RNF126: variants seen among roughly 807,000 people sequenced by gnomAD.
RNF126 encodes ring finger protein 126, also known as E3 ubiquitin-protein ligase RNF126.
RNF126 carries 20 observed loss-of-function variants against 41.9 expected under a neutral mutation model. The ratio of observed to expected loss-of-function variants is 0.48; its 90% CI spans 0.34 to 0.69. The LOEUF (loss-of-function observed/expected upper bound fraction) is 0.69, where lower values mean the gene tolerates loss of function less well. Among genes scored for constraint, RNF126 ranks in the 30% least tolerant of loss-of-function variants. RNF126 has a pLI of 0.01. For missense variants in RNF126, 433 were observed against 460.6 expected (o/e 0.94, Z 0.55); for synonymous variants, 239 against 202.9 (o/e 1.18, Z -1.51).
chr19:662,689 T>C (rs555188019), intron 1 of RNF126, among the ~76,000 whole-genome samples: 2 of 151,862 alleles, frequency 1.3e-5, no homozygotes, highest in African/African-American at 4.8e-5. Context: ...CCTCAGTTTC[T>C]CCGTTTGCAA....
chr19:651,127 G>T (rs960282772), intron 4 of RNF126, among the ~76,000 whole-genome samples: 4 of 147,218 alleles, frequency 2.7e-5, no homozygotes, highest in Admixed American at 6.8e-5. Context: ...GCTCCCCCAG[G>T]CTCTGTTCCA....
chr19:652,003 G>A, intron 3 of RNF126, 148 bp from the exon 4 acceptor site: 1 of 754,968 alleles, frequency 1.3e-6, no homozygotes, highest in Non-Finnish European at 2.1e-6. Context: ...CAGGAATTGG[G>A]CAGAGCCTGC....
At chr19:653,805 G>A (rs72974191) in intron 1 of RNF126, among the ~76,000 whole-genome samples, 5,614 of 152,314 alleles carry the variant, frequency 0.037, 135 homozygotes, top group Non-Finnish European at 0.054. Context: ...GTGCTCCATC[G>A]CAGCAACGTG....
In RNF126 at chr19:651,895, C is replaced by T. The variant is rs777964283; in HGVS notation, c.199-40G>A. ...GGGGCGTGACCTCGGGGGCTCAGGC[C>T]CGTGCAGTCTGCTGGGGGCGCTAGG... On this transcript the variant is annotated intron_variant, in intron 3 of 8. Coordinates refer to ENST00000292363, the MANE Select transcript of RNF126 (RefSeq NM_194460.3). 9 of 1,572,360 alleles carry T rather than the reference C, an allele frequency of 5.7e-6. No homozygotes were observed. The East Asian group carries it at 1.8e-4, about 32-fold the overall frequency.
rs542164498 is a variant in RNF126 at position 659,689 on chromosome 19, T to G, written c.75+3358A>C. Among the ~76,000 whole-genome samples, 271 of 152,034 alleles carry G rather than the reference T, an allele frequency of 1.8e-3. No individual in the cohort carries two copies. Among genetic ancestry groups the G allele is most frequent in the Non-Finnish European group, 3.4e-3 (228 of 67,974 alleles). ...TGGCCTGAGCTCCAGCTGGCCTGTC[T>G]GGTTCCTGCCGCCACACGCCCCACT... On this transcript the variant is annotated intron_variant, in intron 1 of 8. Transcript: ENST00000292363. The surrounding 1 kb of genome is among the most constrained non-coding windows in gnomAD (Gnocchi z 4.9).
chr19:661,780 G>C (rs926969397), intron 1 of RNF126, among the ~76,000 whole-genome samples: 1 of 152,146 alleles, frequency 6.6e-6, no homozygotes, highest in Non-Finnish European at 1.5e-5. Context: ...GGGCGGCTAC[G>C]TACACAGCAC....
rs765863876 is a variant in RNF126, at chr19:648,083, G to A, written c.*45C>T. The A allele has an allele frequency of 9.9e-6, 15 of 1,514,752 alleles. No individual in the cohort carries two copies. Among genetic ancestry groups the A allele is most frequent in the African/African-American group, 2.8e-5 (2 of 72,474 alleles). 93.8% of individuals were successfully genotyped at this position (1,514,752 alleles called of 1,614,324 possible). A position where few individuals can be genotyped will look rare whatever the true frequency, so the allele number is the denominator to read the frequency against. The stretch of plus-strand genomic sequence containing the variant: ...TGGGTGCCGTGTGGCGCTGGCTGAG[G>A]GTGGGTGGGAAAGGCCCCGTGCTTT... On this transcript the variant is annotated 3_prime_UTR_variant, in exon 9 of 9. Transcript: ENST00000292363.
chr19:647,901 AGAG>A lies in RNF126; in HGVS notation c.*224_*226del, dbSNP rs1302569385. The stretch of plus-strand genomic sequence containing the variant: ...GAACGTTTAGAGGGTGAGGTTAGAC[AGAG>A]GACGGGGAGGCTGGGGACGCCCCAG... On this transcript the variant is annotated 3_prime_UTR_variant, in exon 9 of 9. Coordinates refer to ENST00000292363, the MANE Select transcript of RNF126 (RefSeq NM_194460.3). The A allele has an allele frequency of 1.6e-6, 1 of 642,684 alleles. No individual in the cohort carries two copies. Among genetic ancestry groups the A allele is most frequent in the Admixed American group, 2.6e-5 (1 of 38,716 alleles). 39.8% of individuals were successfully genotyped at this position (642,684 alleles called of 1,614,324 possible).
Position 652,227 on chromosome 19 carries a change from A to C in RNF126, c.198+6T>G, listed in dbSNP as rs377410742. The C allele has an allele frequency of 2.6e-5, 40 of 1,519,476 alleles. No individual in the cohort carries two copies. The highest frequency in any genetic ancestry group is 3.2e-5 in the Non-Finnish European group (37 of 1,144,290). 94.1% of individuals were successfully genotyped at this position (1,519,476 alleles called of 1,614,324 possible). ...GATCGGGAAGCACGAGGGGCGGGCG[A>C]CTCACCTCCAACGGTGGCCGGCTCT... On this transcript the variant is annotated splice_donor_region_variant and intron_variant, in intron 3 of 8. Coordinates refer to ENST00000292363, the MANE Select transcript of RNF126 (RefSeq NM_194460.3).
In RNF126 at chr19:648,492, G is replaced by C; in HGVS notation, c.671-5C>G. 2.6e-6 allele frequency: 4 copies of C among 1,562,912 alleles called. No homozygotes were observed. The highest frequency in any genetic ancestry group is 2.3e-4 in the Middle Eastern group (1 of 4,424). On this transcript the variant is annotated splice_polypyrimidine_tract_variant and splice_region_variant and intron_variant, in intron 7 of 8. Transcript: ENST00000292363. ...CAGGGCACTCGAGCCCGGAGCCTGC[G>C]GGAGTGTGCAGCTGCGGTCACAGCG...
intron 1 of RNF126, among the ~76,000 whole-genome samples, chr19:658,985 C>A (rs1166473091): frequency 5.9e-5 from 9 of 152,202 alleles, no homozygotes; most frequent in Admixed American, 5.9e-4. Context: ...CCAGAGAGGG[C>A]AGCCGACATC....
intron 1 of RNF126, among the ~76,000 whole-genome samples, chr19:661,186 G>A (rs985496083): frequency 6.6e-6 from 1 of 152,224 alleles, no homozygotes; most frequent in African/African-American, 2.4e-5. Flanking sequence ...GGGCGAGGAA[G>A]TGGCTCCACC....
chr19:652,464 G>A (rs1264173199), intron 2 of RNF126, 168 bp from the exon 3 acceptor site: 30 of 642,182 alleles, frequency 4.7e-5, no homozygotes, highest in East Asian at 4.4e-4. Flanking sequence ...TGCTTCCCTC[G>A]CCAGTAAACC....
chr19:650,459 C>T (rs900021196), intron 4 of RNF126, 163 bp from the exon 5 acceptor site: 4 of 608,720 alleles, frequency 6.6e-6, no homozygotes, highest in Admixed American at 3.1e-5. Context: ...ACTCTAATGC[C>T]GAGGCAGGAG....
Position 651,592 on chromosome 19 carries a change from AC to A in RNF126, c.443+18del, listed in dbSNP as rs1441300614. 1.4e-6 allele frequency: 2 copies of A among 1,397,354 alleles called. No homozygotes were observed. The highest frequency in any genetic ancestry group is 1.6e-5 in the South Asian group (1 of 62,362). The allele number at this position is 1,397,354 out of a possible 1,614,324, so 86.6% of individuals were successfully genotyped here. A position where few individuals can be genotyped will look rare whatever the true frequency, so the allele number is the denominator to read the frequency against. On this transcript the variant is annotated intron_variant, in intron 4 of 8. Transcript: ENST00000292363. The stretch of plus-strand genomic sequence containing the variant: ...CTCAAGGCGTGGGGCCCTCGCGGCC[AC>A]CCCCGGGGCCCCCTCACCCTTCCAG...
chr19:652,273 G>A lies in RNF126; in HGVS notation c.158C>T (p.Pro53Leu), dbSNP rs774727819. Residue 53 changes from proline (P) to leucine (L), a missense_variant, in exon 3 of 9, where the codon CCC (proline) becomes CTC (leucine). By Grantham distance (98) the Pro-to-Leu change is moderately conservative. This residue lies in a region of RNF126 where 247 missense variants were observed against 224.7 expected (regional missense o/e 1.10). Coordinates refer to ENST00000292363, the MANE Select transcript of RNF126 (RefSeq NM_194460.3). ...GCTCTGGTCTGTGGGAGCTGTGGAGGGGGCAGAACCATTTTCTGTGCTCCT... is the reference window on the plus strand; with the variant it reads ...GCTCTGGTCTGTGGGAGCTGTGGAGAGGGCAGAACCATTTTCTGTGCTCCT... ...ETRSTENGSAPSTAPTDQSRP... is the reference protein window; with the variant it reads ...ETRSTENGSALSTAPTDQSRP... 3.9e-6 allele frequency: 6 copies of A among 1,554,668 alleles called. No homozygotes were observed. In the East Asian group the frequency reaches 9.5e-5, roughly 25 times the overall value.
intron 2 of RNF126, 57 bp from the exon 3 acceptor site, chr19:652,353 C>A: frequency 1.4e-6 from 2 of 1,403,346 alleles, no homozygotes; most frequent in Non-Finnish European, 1.9e-6. Context: ...ATGCGCCAGG[C>A]GCTCCCTCCC....
At chr19:650,405 T>A in intron 4 of RNF126, 109 bp from the exon 5 acceptor site, 1 of 849,046 alleles carries the variant, frequency 1.2e-6, no homozygotes, top group Non-Finnish European at 1.8e-6. Flanking sequence ...CATCAGCTTC[T>A]AGATTAGCTT....
rs2030701921 is a variant in RNF126 at position 659,447 on chromosome 19, TC to T, written c.75+3599del. 6.6e-6 allele frequency among the ~76,000 whole-genome samples: 1 copy of T among 152,050 alleles called. No homozygotes were observed. The highest frequency in any genetic ancestry group is 1.5e-5 in the Non-Finnish European group (1 of 67,994). ...GGGACACTGCGGAGGTTGCAGGCGT[TC>T]GGGGGTGGGGGGTCGGCAGGCAGAG... On this transcript the variant is annotated intron_variant, in intron 1 of 8. Transcript: ENST00000292363. This position sits in a 1 kb window ranked among gnomAD's most constrained non-coding sequence, Gnocchi z 4.9.
Sources: allele counts gnomAD v4.1 joint callset (sites outside exome capture counted in the v4.1 genomes callset), GRCh38; gene constraint gnomAD v4.1.1; regional missense constraint gnomAD v4.1.1; non-coding constraint Gnocchi (gnomAD v3.1); transcripts MANE v1.5; gene names NCBI Gene and HGNC (gene_info 2026-07-23, HGNC 2026-07-21).